The following CFDP1 variants were observed in gnomAD, a reference collection of about 807,000 sequenced individuals.
CFDP1 encodes the protein heterochromatin-stabilizing protein CFDP1.
A neutral mutation model predicts 40.1 loss-of-function variants in CFDP1; 31 were observed. The observed-to-expected ratio is 0.77, with a 90% CI of 0.58 to 1.04. The LOEUF is 1.04. Among genes scored for constraint, CFDP1 ranks in the 50% least tolerant of loss-of-function variants. CFDP1 has a pLI of 0.00. For missense variants in CFDP1, 423 were observed against 343.4 expected, an observed-to-expected ratio of 1.23 and a Z score of -1.83; for synonymous variants, 167 against 120.0, an observed-to-expected ratio of 1.39 and a Z score of -2.56.
At position 75,298,960 on chromosome 16, in the gene CFDP1, A is replaced by G. The variant is rs114362471; in HGVS notation, c.810-4918T>C. Among the ~76,000 whole-genome samples, 717 of 152,338 alleles carry G rather than the reference A, an allele frequency of 4.7e-3. 10 individuals are homozygous for G. Among genetic ancestry groups the G allele is most frequent in the African/African-American group, 0.017 (703 of 41,576 alleles). ...GTAACCTTCAATTGATTGATCAGAC[A>G]GCAGCAGCTGGGACTAGCCAGTGTT... On this transcript the variant is annotated intron_variant, in intron 6 of 6. Transcript: ENST00000283882.
At chr16:75,421,112 TG>T (rs2079274874) in intron 1 of CFDP1, among the ~76,000 whole-genome samples, 1 of 152,064 alleles carries the variant, frequency 6.6e-6, no homozygotes, top group Non-Finnish European at 1.5e-5. Context: ...CGCACTGGGG[TG>T]GAGCCACAGA....
chr16:75,431,398 G>T (rs1425062991), intron 1 of CFDP1, among the ~76,000 whole-genome samples: 2 of 130,950 alleles, frequency 1.5e-5, no homozygotes, highest in African/African-American at 5.6e-5. Flanking sequence ...AGCTTGCAGT[G>T]AGACGAGATC....
chr16:75,387,163 G>A (rs1333400369), intron 5 of CFDP1, among the ~76,000 whole-genome samples: 6 of 145,478 alleles, frequency 4.1e-5, no homozygotes, highest in South Asian at 4.3e-4. Context: ...TTTTTGAGAC[G>A]GAGTCTCGCT....
intron 1 of CFDP1, among the ~76,000 whole-genome samples, chr16:75,422,246 G>A (rs1217729765): frequency 1.3e-5 from 2 of 151,792 alleles, no homozygotes; most frequent in Non-Finnish European, 2.9e-5. Context: ...ACAGGCGCTT[G>A]CCACCACACC....
In CFDP1 at chr16:75,301,415, G is replaced by C. The variant is rs1311989343; in HGVS notation, c.809+3609C>G. ...AGGCTGGAGCGTCGAGGAGGTGCCT[G>C]TATAATTCTTCCCCAAAAACCTGCA... On this transcript the variant is annotated intron_variant, in intron 6 of 6. Transcript: ENST00000283882. Among the ~76,000 whole-genome samples, 5 of 152,002 alleles carry C rather than the reference G, an allele frequency of 3.3e-5. No individual in the cohort carries two copies. The East Asian group carries it at 9.7e-4, about 30-fold the overall frequency.
At chr16:75,397,573 C>A (rs575775260) in intron 4 of CFDP1, among the ~76,000 whole-genome samples, 48 of 149,828 alleles carry the variant, frequency 3.2e-4, no homozygotes, top group African/African-American at 1.0e-3. Context: ...GAGACTGAGG[C>A]GGGCAGATTA....
intron 1 of CFDP1, among the ~76,000 whole-genome samples, chr16:75,420,030 A>G (rs2079259358): frequency 6.7e-6 from 1 of 149,666 alleles, no homozygotes; most frequent in Admixed American, 6.7e-5. Context: ...TTCAGGTAAC[A>G]GGTAGTCTCA....
chr16:75,408,441 A>G (rs2079124300), intron 4 of CFDP1, among the ~76,000 whole-genome samples: 1 of 152,134 alleles, frequency 6.6e-6, no homozygotes, highest in African/African-American at 2.4e-5. Flanking sequence ...TAGATTAAGA[A>G]GAAAGAAACA....
intron 5 of CFDP1, among the ~76,000 whole-genome samples, chr16:75,373,943 G>C (rs1016588283): frequency 6.6e-6 from 1 of 152,140 alleles, no homozygotes; most frequent in Non-Finnish European, 1.5e-5. Flanking sequence ...TGTCTGTATA[G>C]GGAGTTAGTT....
At chr16:75,364,133 AAC>A (rs2078698110) in intron 5 of CFDP1, among the ~76,000 whole-genome samples, 1 of 151,446 alleles carries the variant, frequency 6.6e-6, no homozygotes, top group African/African-American at 2.4e-5. Flanking sequence ...AACAAAACAA[AAC>A]AAAACAAACA....
chr16:75,358,115 G>T (rs1402959111), intron 5 of CFDP1, among the ~76,000 whole-genome samples: 1 of 151,968 alleles, frequency 6.6e-6, no homozygotes, highest in Non-Finnish European at 1.5e-5. Context: ...GTATCACCAA[G>T]GATTACTGAT....
intron 5 of CFDP1, among the ~76,000 whole-genome samples, chr16:75,381,660 A>C (rs2078853303): frequency 6.6e-6 from 1 of 152,124 alleles, no homozygotes; most frequent in Admixed American, 6.6e-5. Flanking sequence ...ACTGAATTTC[A>C]CATGTTGGTT....
At chr16:75,400,806 G>C (rs1313621108) in intron 4 of CFDP1, among the ~76,000 whole-genome samples, 1 of 152,190 alleles carries the variant, frequency 6.6e-6, no homozygotes, top group Non-Finnish European at 1.5e-5. Context: ...AAGAAATAAT[G>C]TACTGTATTA....
chr16:75,353,438 A>AG (rs1340359861), intron 5 of CFDP1, among the ~76,000 whole-genome samples: 1 of 152,154 alleles, frequency 6.6e-6, no homozygotes, highest in Non-Finnish European at 1.5e-5. Context: ...CATATGTGGG[A>AG]GTTAGGTAGG....
chr16:75,428,489 G>A (rs1389957709), intron 1 of CFDP1, among the ~76,000 whole-genome samples: 7 of 151,918 alleles, frequency 4.6e-5, no homozygotes, highest in Non-Finnish European at 1.0e-4. Flanking sequence ...GTGGTGGCAC[G>A]CGCCTGTATC....
chr16:75,331,998 C>G (rs554145677), intron 5 of CFDP1, among the ~76,000 whole-genome samples: 1 of 152,200 alleles, frequency 6.6e-6, no homozygotes, highest in Non-Finnish European at 1.5e-5. Context: ...CAGTCTGTTT[C>G]ATTTTAGTCT....
intron 5 of CFDP1, chr16:75,324,734 C>T (rs1433930811): frequency 1.0e-5 from 1 of 99,636 alleles, no homozygotes; most frequent in South Asian, 3.7e-4. Context: ...CAGAGTGAGA[C>T]TTTGTCTTAA....
At chr16:75,422,119 G>A (rs1444210841) in intron 1 of CFDP1, among the ~76,000 whole-genome samples, 1 of 151,426 alleles carries the variant, frequency 6.6e-6, no homozygotes, top group Admixed American at 6.6e-5. Flanking sequence ...TTTTTGAGAC[G>A]GAGTTTCGCT....
intron 1 of CFDP1, among the ~76,000 whole-genome samples, chr16:75,428,069 T>C (rs961384213): frequency 6.6e-6 from 1 of 151,712 alleles, no homozygotes; most frequent in Admixed American, 6.6e-5. Flanking sequence ...CAGAGGTTGC[T>C]AATGGCTGGG....
Sources: allele counts gnomAD v4.1 joint callset (sites outside exome capture counted in the v4.1 genomes callset), GRCh38; gene constraint gnomAD v4.1.1; transcripts MANE v1.5; gene names NCBI Gene and HGNC (gene_info 2026-07-23, HGNC 2026-07-21).